MEIG1: variants seen among roughly 807,000 people sequenced by gnomAD.
MEIG1 encodes meiosis/spermiogenesis associated 1.
Under a neutral mutation model 11.3 loss-of-function variants are expected in MEIG1, and 12 were observed. The observed-to-expected ratio is 1.07, with a 90% CI of 0.68 to 1.73. The LOEUF (loss-of-function observed/expected upper bound fraction) is 1.73. Ranked by LOEUF, MEIG1 falls within the 40% of genes most tolerant of loss-of-function variation. The pLI is 0.00. For synonymous variants in MEIG1, 41 were observed against 33.2 expected (o/e 1.24, Z -0.81); for missense variants, 119 against 104.9 (o/e 1.13, Z -0.59).
chr10:14,972,173 C>A (rs536232522), intron 2 of MEIG1, among the ~76,000 whole-genome samples: 91 of 152,236 alleles, frequency 6.0e-4, no homozygotes, highest in Non-Finnish European at 1.2e-3. Context: ...TACCACCACA[C>A]CCAGCTAATT....
chr10:14,970,188 G>A (rs1843133237), intron 2 of MEIG1: 1 of 152,202 alleles, frequency 6.6e-6, no homozygotes, highest in Non-Finnish European at 1.5e-5. Flanking sequence ...AGTGCTTGCT[G>A]ACCTTCCCTC....
intron 2 of MEIG1, chr10:14,970,613 A>G (rs888424551): frequency 4.6e-5 from 7 of 152,206 alleles, no homozygotes; most frequent in African/African-American, 1.7e-4. Context: ...TCTGTAATGT[A>G]TGTCAGAAGG....
upstream of MEIG1, chr10:14,954,440 C>A: frequency 6.6e-6 from 2 of 304,416 alleles, no homozygotes; most frequent in Non-Finnish European, 6.5e-6. Flanking sequence ...CCGCTTCCTG[C>A]TTGTCTGCTG....
chr10:14,982,720 G>A (rs562622791), intron 1 of MEIG1, among the ~76,000 whole-genome samples: 11 of 151,936 alleles, frequency 7.2e-5, no homozygotes, highest in African/African-American at 2.4e-4. Context: ...CAATGTTACC[G>A]CAATTAATAA....
downstream of MEIG1, among the ~76,000 whole-genome samples, chr10:14,976,058 G>T (rs1201606700): frequency 1.3e-5 from 2 of 152,146 alleles, no homozygotes; most frequent in African/African-American, 2.4e-5. Flanking sequence ...GGGACCGGGG[G>T]GTGATATTAC....
downstream of MEIG1, among the ~76,000 whole-genome samples, chr10:14,976,522 C>T (rs931747753): frequency 6.6e-6 from 1 of 151,982 alleles, no homozygotes; most frequent in African/African-American, 2.4e-5. Context: ...AGGGTTTGTA[C>T]ACCTTGTCAA....
intron 1 of MEIG1, among the ~76,000 whole-genome samples, chr10:14,982,062 G>C (rs1400867634): frequency 1.3e-5 from 2 of 152,200 alleles, no homozygotes; most frequent in Non-Finnish European, 2.9e-5. Context: ...TCCGCGCTTT[G>C]ATGGATTAAA....
intron 2 of MEIG1, among the ~76,000 whole-genome samples, chr10:14,969,462 A>G (rs958125940): frequency 4.7e-5 from 7 of 150,058 alleles, no homozygotes; most frequent in African/African-American, 1.5e-4. Context: ...AAAAAAAAAG[A>G]AAAAAGGAAA....
At position 14,959,439 on chromosome 10, in the gene MEIG1, C is replaced by G. The variant is rs981048658; in HGVS notation, c.-148C>G. ...GCACAACACTTGGCCTCTCGCTGGC[C>G]CTGCTCGCGGATCCCGAGTAGAGAA... On this transcript the variant is annotated 5_prime_UTR_variant, in exon 1 of 3. Transcript: ENST00000407572. The G allele has an allele frequency of 3.3e-5, 5 of 152,520 alleles. No homozygotes were observed. Among genetic ancestry groups the G allele is most frequent in the African/African-American group, 7.2e-5 (3 of 41,600 alleles). The allele number at this position is 152,520 out of a possible 1,614,324, so 9.4% of individuals were successfully genotyped here. A position where few individuals can be genotyped will look rare whatever the true frequency, so the allele number is the denominator to read the frequency against.
downstream of MEIG1, among the ~76,000 whole-genome samples, chr10:14,975,721 A>G (rs189404304): frequency 2.3e-3 from 351 of 152,156 alleles, no homozygotes; most frequent in Admixed American, 9.0e-3. Flanking sequence ...CAGAAAGCGT[A>G]CACCACCCCA....
chr10:14,979,706 T>G (rs1022266825), intron 1 of MEIG1, among the ~76,000 whole-genome samples: 4 of 152,012 alleles, frequency 2.6e-5, no homozygotes, highest in African/African-American at 9.7e-5. Context: ...TATCTTAATG[T>G]CATAGGGTGT....
In MEIG1 at chr10:14,959,955, G is replaced by A. The variant is rs577725951; in HGVS notation, c.-30+398G>A. 3.3e-5 allele frequency among the ~76,000 whole-genome samples: 5 copies of A among 152,348 alleles called. No individual in the cohort carries two copies. The South Asian group carries it at 1.0e-3, about 32-fold the overall frequency. ...GGCAGAAAGGAAGCTGGAGGGATGGGGACTGCAGGTTAGCTGTGAGGGCCG... is the reference window on the plus strand; with the variant it reads ...GGCAGAAAGGAAGCTGGAGGGATGGAGACTGCAGGTTAGCTGTGAGGGCCG... On this transcript the variant is annotated intron_variant, in intron 1 of 2. Coordinates refer to ENST00000407572, the MANE Select transcript of MEIG1 (RefSeq NM_001080836.3).
upstream of MEIG1, among the ~76,000 whole-genome samples, chr10:14,955,811 G>A (rs1275661949): frequency 6.6e-6 from 1 of 152,222 alleles, no homozygotes; most frequent in Admixed American, 6.5e-5. Context: ...TGAGGAGGGG[G>A]AGGAGGGGTG....
At chr10:14,967,359 C>T (rs903909933) in intron 2 of MEIG1, among the ~76,000 whole-genome samples, 1 of 152,024 alleles carries the variant, frequency 6.6e-6, no homozygotes, top group African/African-American at 2.4e-5. Flanking sequence ...TAGAACAACT[C>T]GTGACTTTGA....
chr10:14,958,477 G>C (rs1031425559), upstream of MEIG1, among the ~76,000 whole-genome samples: 1 of 152,154 alleles, frequency 6.6e-6, no homozygotes, highest in Non-Finnish European at 1.5e-5. Context: ...ATTTAACAAC[G>C]AGCTCAGAAA....
chr10:14,986,430 A>G (rs569858551), intron 1 of MEIG1, among the ~76,000 whole-genome samples: 5 of 152,348 alleles, frequency 3.3e-5, no homozygotes, highest in African/African-American at 1.2e-4. Context: ...ACCATCTGGA[A>G]TTGTGCAAGA....
At chr10:14,966,673 A>C in intron 2 of MEIG1, 67 bp downstream of exon 2, 1 of 1,445,600 alleles carries the variant, frequency 6.9e-7, no homozygotes, top group Non-Finnish European at 9.5e-7. Context: ...AGTATTTTAT[A>C]AACAACCAGA....
chr10:14,984,760 C>T (rs1474349447), intron 1 of MEIG1, among the ~76,000 whole-genome samples: 5 of 152,028 alleles, frequency 3.3e-5, no homozygotes, highest in African/African-American at 1.2e-4. Flanking sequence ...GGTTGTACAC[C>T]TTGTGAAATT....
intron 1 of MEIG1, among the ~76,000 whole-genome samples, chr10:14,980,499 T>G (rs1589215057): frequency 6.6e-6 from 1 of 152,176 alleles, no homozygotes; most frequent in Non-Finnish European, 1.5e-5. Flanking sequence ...CCTTGTAATC[T>G]TATTCAGAAT....
Sources: allele counts gnomAD v4.1 joint callset (sites outside exome capture counted in the v4.1 genomes callset), GRCh38; gene constraint gnomAD v4.1.1; transcripts MANE v1.5; gene names NCBI Gene and HGNC (gene_info 2026-07-23, HGNC 2026-07-21).